The following EEA1 variants were observed in gnomAD, a reference collection of about 807,000 sequenced individuals.
The protein encoded by EEA1 is early endosome antigen 1, 162kD.
A neutral mutation model predicts 209.2 loss-of-function variants in EEA1; 111 were observed. The observed-to-expected ratio is 0.53, with a 90% CI of 0.45 to 0.62. The LOEUF (loss-of-function observed/expected upper bound fraction) is 0.62. Among genes scored for constraint, EEA1 ranks in the 20% least tolerant of loss-of-function variants. The pLI, the probability that EEA1 is intolerant of heterozygous loss-of-function variation, is 0.00. For synonymous variants in EEA1, 536 were observed against 540.6 expected (o/e 0.99, Z 0.12); for missense variants, 1,343 against 1,530.8 (o/e 0.88, Z 2.05).
chr12:92,927,286 C>G (rs1030496756), intron 1 of EEA1, among the ~76,000 whole-genome samples: 6 of 152,188 alleles, frequency 3.9e-5, no homozygotes, highest in Admixed American at 1.3e-4. Context: ...CCTCCCACAA[C>G]GCAGAATTAT....
chr12:92,808,010 A>C (rs1190747390), intron 18 of EEA1, among the ~76,000 whole-genome samples: 1 of 152,224 alleles, frequency 6.6e-6, no homozygotes, highest in Admixed American at 6.5e-5. Context: ...CTAATATCAT[A>C]AAGCTACATT....
chr12:92,884,923 A>G (rs1879316209), intron 2 of EEA1, among the ~76,000 whole-genome samples: 1 of 151,700 alleles, frequency 6.6e-6, no homozygotes, highest in African/African-American at 2.4e-5. Context: ...TGTTCTGTGG[A>G]AAGTGTAAAG....
At chr12:92,802,288 T>G (rs982666762) in intron 19 of EEA1, 116 bp downstream of exon 19, 1 of 923,968 alleles carries the variant, frequency 1.1e-6, no homozygotes, top group African/African-American at 1.7e-5. Flanking sequence ...TCATAAGAAC[T>G]ACTTTAAACT....
In EEA1 at chr12:92,853,012, C is replaced by T. The variant is rs1484680602; in HGVS notation, c.420G>A (p.Leu140=). 2 of 1,603,220 alleles carry T rather than the reference C, an allele frequency of 1.2e-6. No individual in the cohort carries two copies. The highest frequency in any genetic ancestry group is 1.7e-5 in the Admixed American group (1 of 59,136). Residue 140 remains leucine (L), a synonymous_variant, in exon 7 of 29, where the codon TTG becomes TTA. Coordinates refer to ENST00000322349, the MANE Select transcript of EEA1 (RefSeq NM_003566.4). ...TTTGGGCTTCTTCTAATTGCTGTTC[C>T]AAAGACTGTAGTTCTACAAAAAAGT... The part of the protein sequence containing the change: ...VTDSSAELQS[L]EQQLEEAQTE...
intron 15 of EEA1, among the ~76,000 whole-genome samples, chr12:92,815,755 A>G (rs1875748740): frequency 6.6e-6 from 1 of 152,190 alleles, no homozygotes; most frequent in African/African-American, 2.4e-5. Flanking sequence ...GAAGATTTAA[A>G]AAATCAAAGT....
intron 1 of EEA1, among the ~76,000 whole-genome samples, chr12:92,923,792 G>A (rs574086319): frequency 6.9e-6 from 1 of 144,048 alleles, no homozygotes; most frequent in African/African-American, 2.6e-5. Context: ...TAAATATTCG[G>A]TAGTACATAA....
intron 2 of EEA1, among the ~76,000 whole-genome samples, chr12:92,872,497 C>G (rs996782725): frequency 1.3e-5 from 2 of 152,236 alleles, no homozygotes; most frequent in African/African-American, 4.8e-5. Context: ...CTTCCCCACA[C>G]CCATAATTCC....
chr12:92,852,085 T>C (rs1209405754), intron 8 of EEA1, 90 bp downstream of exon 8: 1 of 1,058,902 alleles, frequency 9.4e-7, no homozygotes, highest in African/African-American at 1.6e-5. Flanking sequence ...ACTCAAATTA[T>C]ATTTTTAAAC....
At chr12:92,886,933 G>C (rs960631728) in intron 2 of EEA1, among the ~76,000 whole-genome samples, 3 of 151,704 alleles carry the variant, frequency 2.0e-5, no homozygotes, top group African/African-American at 7.3e-5. Context: ...GGGAGGAGGA[G>C]TTTGCAGTGA....
intron 5 of EEA1, among the ~76,000 whole-genome samples, chr12:92,855,293 T>C (rs1325911386): frequency 1.3e-5 from 2 of 152,202 alleles, no homozygotes; most frequent in Admixed American, 6.5e-5. Context: ...GCCGGCCTGA[T>C]GGCGGACGTG....
chr12:92,835,357 C>G, intron 10 of EEA1: 1 of 307,446 alleles, frequency 3.3e-6, no homozygotes, highest in Non-Finnish European at 6.4e-6. Context: ...AAGTAACCAA[C>G]TAATCCCACC....
intron 1 of EEA1, 121 bp from the exon 2 acceptor site, chr12:92,891,842 A>C (rs1175301710): frequency 1.7e-6 from 1 of 600,938 alleles, no homozygotes; most frequent in Non-Finnish European, 2.9e-6. Context: ...CAATAATAAC[A>C]GTACTAACAG....
At chr12:92,891,814 G>A (rs1879665846) in intron 1 of EEA1, 93 bp from the exon 2 acceptor site, 3 of 828,966 alleles carry the variant, frequency 3.6e-6, no homozygotes, top group Non-Finnish European at 5.8e-6. Context: ...TTTCACATAA[G>A]AAAAGTAGAT....
At chr12:92,791,605 A>C (rs1396561405) in intron 21 of EEA1, among the ~76,000 whole-genome samples, 1 of 152,228 alleles carries the variant, frequency 6.6e-6, no homozygotes, top group Non-Finnish European at 1.5e-5. Flanking sequence ...CCAATACAGG[A>C]GCACCCAGAA....
At chr12:92,861,794 A>T (rs1878165628) in intron 3 of EEA1, among the ~76,000 whole-genome samples, 1 of 151,922 alleles carries the variant, frequency 6.6e-6, no homozygotes, top group African/African-American at 2.4e-5. Context: ...AGATATAAGC[A>T]TATGAATATA....
intron 11 of EEA1, among the ~76,000 whole-genome samples, chr12:92,829,631 C>T (rs910552055): frequency 1.3e-5 from 2 of 151,584 alleles, no homozygotes; most frequent in Non-Finnish European, 2.9e-5. Flanking sequence ...TACAGAAAGT[C>T]AGTCAGGTGT....
intron 1 of EEA1, among the ~76,000 whole-genome samples, chr12:92,897,754 T>C (rs1477667096): frequency 2.6e-5 from 4 of 152,096 alleles, no homozygotes; most frequent in Non-Finnish European, 5.9e-5. Flanking sequence ...AATTCAAAAA[T>C]GCAGCGAGCT....
intron 2 of EEA1, among the ~76,000 whole-genome samples, chr12:92,886,657 G>C (rs1879418634): frequency 7.3e-6 from 1 of 136,810 alleles, no homozygotes; most frequent in Non-Finnish European, 1.6e-5. Context: ...GGGGAGAAGG[G>C]GGAAAGGGAG....
chr12:92,834,096 A>G (rs1322687191), intron 10 of EEA1, among the ~76,000 whole-genome samples: 6 of 152,162 alleles, frequency 3.9e-5, no homozygotes, highest in Admixed American at 3.9e-4. Context: ...CTATTATTTC[A>G]CAGGGGATAA....
Sources: allele counts gnomAD v4.1 joint callset (sites outside exome capture counted in the v4.1 genomes callset), GRCh38; gene constraint gnomAD v4.1.1; transcripts MANE v1.5; gene names NCBI Gene and HGNC (gene_info 2026-07-23, HGNC 2026-07-21).